The following LMX1A variants were observed in gnomAD, a reference collection of about 807,000 sequenced individuals.
The protein encoded by LMX1A is LIM homeobox transcription factor 1 alpha, also known as LIM homeobox transcription factor 1-alpha.
A neutral mutation model predicts 49.1 loss-of-function variants in LMX1A; 15 were observed. The observed-to-expected ratio is 0.31, with a 90% CI of 0.20 to 0.47. LMX1A has a LOEUF of 0.47. Among genes scored for constraint, LMX1A ranks in the 20% least tolerant of loss-of-function variants. The pLI is 1.00. For synonymous variants in LMX1A, 167 were observed against 185.7 expected, an observed-to-expected ratio of 0.90 and a Z score of 0.82; for missense variants, 372 against 475.8, an observed-to-expected ratio of 0.78 and a Z score of 2.03.
intron 7 of LMX1A, 84 bp downstream of exon 7, chr1:165,207,979 T>C (rs1651163971): frequency 2.6e-6 from 3 of 1,166,004 alleles, no homozygotes; most frequent in Non-Finnish European, 3.8e-6. Flanking sequence ...AGATATGTCA[T>C]CCAAAGAGCT....
chr1:165,226,831 A>G (rs1652053792), intron 4 of LMX1A, among the ~76,000 whole-genome samples: 1 of 152,206 alleles, frequency 6.6e-6, no homozygotes, highest in Admixed American at 6.5e-5. Context: ...AGGGATAAAT[A>G]TTTTTTAGTA....
In LMX1A at chr1:165,355,487, G is replaced by C. The variant is rs1034269868; in HGVS notation, c.73C>G (p.Leu25Val). 1 of 1,613,916 alleles carries C rather than the reference G, an allele frequency of 6.2e-7. No homozygotes were observed. Among genetic ancestry groups the C allele is most frequent in the African/African-American group, 1.3e-5 (1 of 75,048 alleles). The stretch of plus-strand genomic sequence containing the variant: ...GACGCACGGCCTGAACACTCACCCA[G>C]CAGCGAGGAGAAGGAGGCCGAGGTG... Reference protein sequence around the residue: ...IDTSASFSSLLGRAVSPKSVC... With the variant: ...IDTSASFSSLVGRAVSPKSVC... Residue 25 changes from leucine (L) to valine (V), a missense_variant, in exon 2 of 9, where the codon CTG becomes GTG. Physicochemically the swap from Leu to Val is conservative, Grantham distance 32 (BLOSUM62 1). Coordinates refer to ENST00000342310, the MANE Select transcript of LMX1A (RefSeq NM_177398.4). The surrounding 1 kb of genome is among the most constrained non-coding windows in gnomAD (Gnocchi z 4.7).
chr1:165,206,376 T>G (rs1432455981), intron 7 of LMX1A, among the ~76,000 whole-genome samples: 1 of 152,176 alleles, frequency 6.6e-6, no homozygotes, highest in African/African-American at 2.4e-5. Flanking sequence ...CCAGTTGACC[T>G]CATTGGGTTG....
intron 3 of LMX1A, among the ~76,000 whole-genome samples, chr1:165,293,846 C>T (rs1571206668): frequency 1.3e-5 from 2 of 152,288 alleles, no homozygotes; most frequent in Middle Eastern, 6.8e-3. Context: ...CTGATCTAAT[C>T]GCCTCCCAAA....
chr1:165,245,172 TGG>T (rs1276691582), intron 4 of LMX1A, among the ~76,000 whole-genome samples: 1 of 152,104 alleles, frequency 6.6e-6, no homozygotes, highest in Admixed American at 6.6e-5. Context: ...TGCTGAGGTA[TGG>T]GGTACAAGTG....
At chr1:165,229,738 G>T (rs376543270) in intron 4 of LMX1A, among the ~76,000 whole-genome samples, 21 of 151,932 alleles carry the variant, frequency 1.4e-4, no homozygotes, top group Admixed American at 3.9e-4. Context: ...TTTGTTTTTT[G>T]TTGTTGTTGT....
intron 7 of LMX1A, among the ~76,000 whole-genome samples, chr1:165,206,571 C>T (rs1186094509): frequency 6.6e-6 from 1 of 152,174 alleles, no homozygotes; most frequent in African/African-American, 2.4e-5. Flanking sequence ...CTTTGGAGCG[C>T]CTTTAGAATT....
chr1:165,255,262 C>T (rs4657424), intron 3 of LMX1A, among the ~76,000 whole-genome samples: 60,214 of 152,110 alleles, frequency 0.4, 12,153 homozygotes, highest in Admixed American at 0.45. Flanking sequence ...TCTCACACTT[C>T]ATCTTCTTTT....
chr1:165,246,522 C>G (rs1440446386), intron 4 of LMX1A, among the ~76,000 whole-genome samples: 2 of 152,180 alleles, frequency 1.3e-5, no homozygotes, highest in Non-Finnish European at 2.9e-5. Context: ...AGTAGTTTTA[C>G]TCTTTGTTAG....
chr1:165,341,776 G>C (rs1469666608), intron 3 of LMX1A, among the ~76,000 whole-genome samples: 1 of 151,982 alleles, frequency 6.6e-6, no homozygotes, highest in Non-Finnish European at 1.5e-5. Flanking sequence ...AACAGTTTCT[G>C]CTAGACCTTT....
chr1:165,214,545 T>C (rs893353747), intron 4 of LMX1A, among the ~76,000 whole-genome samples: 7 of 152,250 alleles, frequency 4.6e-5, no homozygotes, highest in Admixed American at 3.3e-4. Context: ...AATGAGTTTA[T>C]ACCAGTACGG....
intron 3 of LMX1A, among the ~76,000 whole-genome samples, chr1:165,340,132 G>A (rs976073225): frequency 3.3e-5 from 5 of 152,090 alleles, no homozygotes; most frequent in Admixed American, 3.3e-4. Context: ...TTTTGAGACA[G>A]GGTCTTGCTC....
intron 3 of LMX1A, among the ~76,000 whole-genome samples, chr1:165,331,277 G>A (rs780739715): frequency 2.3e-4 from 35 of 152,072 alleles, no homozygotes; most frequent in Non-Finnish European, 4.1e-4. Context: ...AAATACCAGA[G>A]AAATACAAAC....
At chr1:165,321,638 G>T (rs1655388442) in intron 3 of LMX1A, among the ~76,000 whole-genome samples, 1 of 152,112 alleles carries the variant, frequency 6.6e-6, no homozygotes, top group Non-Finnish European at 1.5e-5. Flanking sequence ...AGACCTAATT[G>T]CAAGGGCAAA....
intron 4 of LMX1A, among the ~76,000 whole-genome samples, chr1:165,214,482 C>A (rs950116811): frequency 2.0e-5 from 3 of 152,190 alleles, no homozygotes; most frequent in African/African-American, 4.8e-5. Flanking sequence ...TACTCTTCTG[C>A]AAAATAGTGA....
chr1:165,289,535 T>G (rs1246786433), intron 3 of LMX1A, among the ~76,000 whole-genome samples: 1 of 152,252 alleles, frequency 6.6e-6, no homozygotes, highest in Non-Finnish European at 1.5e-5. Flanking sequence ...TAATTCAGCA[T>G]GTAAAATGTT....
rs1272564615 is a variant in LMX1A, at chr1:165,227,291, AC to A, written c.497-13479del. Among the ~76,000 whole-genome samples the A allele has an allele frequency of 5.9e-5, 9 of 152,168 alleles. No homozygotes were observed. The South Asian group carries it at 1.7e-3, about 28-fold the overall frequency. On this transcript the variant is annotated intron_variant, in intron 4 of 8. Coordinates refer to ENST00000342310, the MANE Select transcript of LMX1A (RefSeq NM_177398.4). ...AGTGGCTCACGCCTATAATCCCAGC[AC>A]TTTTGGAGGCCAAGGCGGGTGGATC...
At chr1:165,317,151 G>A (rs926757862) in intron 3 of LMX1A, among the ~76,000 whole-genome samples, 1 of 152,170 alleles carries the variant, frequency 6.6e-6, no homozygotes, top group Non-Finnish European at 1.5e-5. Flanking sequence ...GCTTATCTGA[G>A]GGGTGCTCTG....
intron 3 of LMX1A, among the ~76,000 whole-genome samples, chr1:165,265,279 A>G (rs1456859059): frequency 6.6e-6 from 1 of 152,042 alleles, no homozygotes; most frequent in Admixed American, 6.5e-5. Context: ...TTCAGGTTCC[A>G]AGTTACAATT....
Sources: allele counts gnomAD v4.1 joint callset (sites outside exome capture counted in the v4.1 genomes callset), GRCh38; gene constraint gnomAD v4.1.1; non-coding constraint Gnocchi (gnomAD v3.1); transcripts MANE v1.5; gene names NCBI Gene and HGNC (gene_info 2026-07-23, HGNC 2026-07-21).